The following DNM3 variants were observed in gnomAD, a reference collection of about 807,000 sequenced individuals.
The protein encoded by DNM3 is dynamin-3.
Under a neutral mutation model 101.6 loss-of-function variants are expected in DNM3, and 47 were observed. The observed-to-expected ratio is 0.46, with a 90% CI of 0.37 to 0.59. The LOEUF (loss-of-function observed/expected upper bound fraction) is 0.59. Among genes scored for constraint, DNM3 ranks in the 20% least tolerant of loss-of-function variants. The pLI is 0.00. For synonymous variants in DNM3, 385 were observed against 387.9 expected (o/e 0.99, Z 0.09); for missense variants, 849 against 1,085.7 (o/e 0.78, Z 3.06).
At chr1:172,222,381 T>C (rs1358795484) in intron 14 of DNM3, among the ~76,000 whole-genome samples, 1 of 152,186 alleles carries the variant, frequency 6.6e-6, no homozygotes, top group Non-Finnish European at 1.5e-5. Context: ...CTTGGAACAC[T>C]GGTTAAAAAC....
At chr1:172,003,983 C>A (rs920809036) in intron 4 of DNM3, among the ~76,000 whole-genome samples, 2 of 151,940 alleles carry the variant, frequency 1.3e-5, no homozygotes, top group African/African-American at 4.8e-5. Flanking sequence ...AACCACTCAG[C>A]AGCTGGGAGG....
rs567308271 is a variant in DNM3 at position 172,337,866 on chromosome 1, T to TTTTTATTTTATTTTATTTTATTTTA, written c.1893+14564_1893+14588dup. 2.6e-3 allele frequency among the ~76,000 whole-genome samples: 294 copies of TTTTTATTTTATTTTATTTTATTTTA among 113,160 alleles called. 4 individuals are homozygous for TTTTTATTTTATTTTATTTTATTTTA. The highest frequency in any genetic ancestry group is 0.014 in the South Asian group (49 of 3,526). 74.2% of individuals were successfully genotyped at this position (113,160 alleles called of 152,430 possible). On this transcript the variant is annotated intron_variant, in intron 17 of 20. Coordinates refer to ENST00000627582, the MANE Select transcript of DNM3 (RefSeq NM_015569.5). ...TTTTATTTTATTTTATTTTATTTTA[T>TTTTTATTTTATTTTATTTTATTTTA]TTTTATTTTATTTTATTTTATTTTA... is the stretch of plus-strand genomic sequence containing the variant.
chr1:172,220,018 T>G (rs943089762), intron 14 of DNM3, among the ~76,000 whole-genome samples: 1 of 152,134 alleles, frequency 6.6e-6, no homozygotes, highest in Non-Finnish European at 1.5e-5. Flanking sequence ...GAAACATGGC[T>G]CATCTGGCCA....
At chr1:171,895,623 G>A (rs529210120) in intron 1 of DNM3, among the ~76,000 whole-genome samples, 1 of 152,204 alleles carries the variant, frequency 6.6e-6, no homozygotes, top group Admixed American at 6.5e-5. Context: ...CTTTTGCTGT[G>A]CAGAAGCTCT....
intron 1 of DNM3, among the ~76,000 whole-genome samples, chr1:171,920,351 A>G (rs1181396444): frequency 6.6e-6 from 1 of 152,192 alleles, no homozygotes; most frequent in Non-Finnish European, 1.5e-5. Context: ...ACATGCCATT[A>G]TTGCCCACTG....
chr1:172,365,082 C>G (rs2067939124), intron 17 of DNM3, among the ~76,000 whole-genome samples: 1 of 151,858 alleles, frequency 6.6e-6, no homozygotes, highest in Non-Finnish European at 1.5e-5. Flanking sequence ...TCGATTCAAA[C>G]TCAAACACAT....
chr1:172,049,266 TG>T, intron 10 of DNM3, among the ~76,000 whole-genome samples: 1 of 152,200 alleles, frequency 6.6e-6, no homozygotes, highest in Non-Finnish European at 1.5e-5. Context: ...TGTGTGACCT[TG>T]GGCTTAACCT....
intron 14 of DNM3, among the ~76,000 whole-genome samples, chr1:172,134,740 G>T (rs1360976969): frequency 6.6e-6 from 1 of 152,120 alleles, no homozygotes; most frequent in Non-Finnish European, 1.5e-5. Flanking sequence ...AATAAAGCCA[G>T]TGATGAGTTG....
chr1:172,163,202 T>TCTTAGCAAATTTCAA (rs2148299034), intron 14 of DNM3, among the ~76,000 whole-genome samples: 1 of 151,926 alleles, frequency 6.6e-6, no homozygotes, highest in South Asian at 2.1e-4. Context: ...AGATCTAGTC[T>TCTTAGCAAATTTCAA]CTTAGCAAAT....
chr1:172,213,999 G>A (rs1007717438), intron 14 of DNM3, among the ~76,000 whole-genome samples: 2 of 152,050 alleles, frequency 1.3e-5, no homozygotes, highest in African/African-American at 4.8e-5. Context: ...AGGTAGAAAC[G>A]TTTTCCTGAT....
intron 2 of DNM3, among the ~76,000 whole-genome samples, chr1:171,937,852 G>A (rs1042234979): frequency 1.3e-5 from 2 of 151,958 alleles, no homozygotes; most frequent in African/African-American, 4.8e-5. Flanking sequence ...AAGTGCTTTT[G>A]GATTACAGGT....
chr1:172,288,278 G>T (rs1443751504), intron 15 of DNM3, among the ~76,000 whole-genome samples: 2 of 152,186 alleles, frequency 1.3e-5, no homozygotes, highest in African/African-American at 4.8e-5. Flanking sequence ...CTAGAAGAAT[G>T]CATAGAAATA....
chr1:171,849,114 C>T (rs2032594396), intron 1 of DNM3, among the ~76,000 whole-genome samples: 1 of 152,160 alleles, frequency 6.6e-6, no homozygotes, highest in African/African-American at 2.4e-5. Flanking sequence ...AATTGAAAGA[C>T]TAATCTATTT....
chr1:172,207,929 CTTCT>C (rs2060378593), intron 14 of DNM3, among the ~76,000 whole-genome samples: 1 of 151,872 alleles, frequency 6.6e-6, no homozygotes, highest in Non-Finnish European at 1.5e-5. Context: ...AAAGTGTGTA[CTTCT>C]TTAAGTGTAA....
chr1:171,986,856 T>G (rs1020303948), intron 2 of DNM3, among the ~76,000 whole-genome samples: 2 of 152,198 alleles, frequency 1.3e-5, no homozygotes, highest in African/African-American at 4.8e-5. Context: ...TATACTCATT[T>G]AAAAAATCTA....
intron 13 of DNM3, among the ~76,000 whole-genome samples, chr1:172,107,090 G>T (rs1231798630): frequency 1.3e-5 from 2 of 151,052 alleles, no homozygotes; most frequent in Non-Finnish European, 3.0e-5. Context: ...TCGATCTCCT[G>T]ACCTCATGAT....
intron 13 of DNM3, among the ~76,000 whole-genome samples, chr1:172,116,928 G>A (rs74123797): frequency 0.018 from 2,810 of 152,060 alleles, 93 homozygotes; most frequent in African/African-American, 0.064. Flanking sequence ...TCACTGGGCC[G>A]GACGTGGTGG....
chr1:172,169,163 A>G lies in DNM3; in HGVS notation c.1659+37875A>G, dbSNP rs114688062. ...TCCCTATTTCTGCAATTTGTTTGGA[A>G]TGAAATTCCATATTGAGGGGATATT... On this transcript the variant is annotated intron_variant, in intron 14 of 20. Transcript: ENST00000627582. Among the ~76,000 whole-genome samples the G allele has an allele frequency of 6.4e-3, 977 of 151,972 alleles. 6 individuals are homozygous for G. The highest frequency in any genetic ancestry group is 0.022 in the African/African-American group (918 of 41,500).
intron 17 of DNM3, among the ~76,000 whole-genome samples, chr1:172,372,583 T>C (rs1423187859): frequency 6.7e-6 from 1 of 148,510 alleles, no homozygotes; most frequent in Non-Finnish European, 1.5e-5. Flanking sequence ...TTAAAGAATA[T>C]TGCTAGAAAT....
Sources: allele counts gnomAD v4.1 joint callset (sites outside exome capture counted in the v4.1 genomes callset), GRCh38; gene constraint gnomAD v4.1.1; transcripts MANE v1.5; gene names NCBI Gene and HGNC (gene_info 2026-07-23, HGNC 2026-07-21).